Variants in METTL24 observed in about 807,000 individuals in gnomAD.
METTL24 encodes the protein methyltransferase like 24, also known as probable methyltransferase-like protein 24.
METTL24 carries 29 observed loss-of-function variants against 32.7 expected under a neutral mutation model. The observed-to-expected ratio is 0.89, with a 90% CI of 0.66 to 1.21. The LOEUF (loss-of-function observed/expected upper bound fraction) is 1.21, where lower values mean the gene tolerates loss of function less well. Ranked by LOEUF, METTL24 falls within the 50% of genes most tolerant of loss-of-function variation. The pLI, the probability that METTL24 is intolerant of heterozygous loss-of-function variation, is 0.00. For missense variants in METTL24, 439 were observed against 468.1 expected (o/e 0.94, Z 0.57); for synonymous variants, 163 against 179.5 (o/e 0.91, Z 0.73).
intron 4 of METTL24, among the ~76,000 whole-genome samples, chr6:110,256,524 G>T (rs914422159): frequency 3.3e-5 from 5 of 152,126 alleles, no homozygotes; most frequent in Admixed American, 1.3e-4. Context: ...TCCTTGTTGG[G>T]TATCAAGTTC....
intron 4 of METTL24, among the ~76,000 whole-genome samples, chr6:110,276,722 C>T (rs984954244): frequency 1.3e-5 from 2 of 152,110 alleles, no homozygotes; most frequent in Non-Finnish European, 2.9e-5. Flanking sequence ...GACACCTGGC[C>T]CTTCTGCAGG....
At chr6:110,318,666 AAAAG>A (rs1554215611) in intron 2 of METTL24, among the ~76,000 whole-genome samples, 5 of 151,292 alleles carry the variant, frequency 3.3e-5, no homozygotes, top group African/African-American at 4.8e-5. Flanking sequence ...AAAAAAAAAA[AAAAG>A]AAAGAAAGAA....
chr6:110,326,220 A>G (rs1048610264), intron 1 of METTL24, among the ~76,000 whole-genome samples: 13 of 152,354 alleles, frequency 8.5e-5, no homozygotes, highest in African/African-American at 2.9e-4. Context: ...CACTACACAG[A>G]GAGACCAAGA....
chr6:110,310,900 C>T (rs1192293746), intron 3 of METTL24, among the ~76,000 whole-genome samples: 2 of 152,172 alleles, frequency 1.3e-5, no homozygotes, highest in Non-Finnish European at 2.9e-5. Flanking sequence ...CAGGAATTTA[C>T]TCCCAGCTGC....
chr6:110,285,762 G>A (rs774543742), intron 4 of METTL24, among the ~76,000 whole-genome samples: 36 of 152,322 alleles, frequency 2.4e-4, no homozygotes, highest in South Asian at 1.2e-3. Flanking sequence ...AAAGGGAAAC[G>A]CAGGTAACTA....
chr6:110,348,738 C>A (rs531432808), intron 1 of METTL24, among the ~76,000 whole-genome samples: 60 of 152,324 alleles, frequency 3.9e-4, no homozygotes, highest in Admixed American at 8.5e-4. Context: ...GACTTGGAGT[C>A]TGATTCATCT....
At chr6:110,355,942 C>A (rs1772688942) in intron 1 of METTL24, among the ~76,000 whole-genome samples, 1 of 152,166 alleles carries the variant, frequency 6.6e-6, no homozygotes, top group Admixed American at 6.5e-5. Flanking sequence ...GCATTCCAAA[C>A]CTGTCCTTTG....
intron 4 of METTL24, among the ~76,000 whole-genome samples, chr6:110,295,013 C>CTTTTTTTTTTTTTTTTT (rs1195740747): frequency 1.7e-4 from 13 of 78,140 alleles, no homozygotes; most frequent in East Asian, 7.9e-4. Context: ...TTCTTTCTTT[C>CTTTTTTTTTTTTTTTTT]TTTTTTTTTT....
intron 4 of METTL24, among the ~76,000 whole-genome samples, chr6:110,259,191 A>G (rs1447072969): frequency 6.6e-6 from 1 of 152,192 alleles, no homozygotes; most frequent in African/African-American, 2.4e-5. Flanking sequence ...GGGAAGCACA[A>G]GGGGTCAGGG....
intron 4 of METTL24, 141 bp downstream of exon 4, chr6:110,298,781 T>TA: frequency 1.4e-6 from 1 of 701,326 alleles, no homozygotes; most frequent in Non-Finnish European, 2.4e-6. Context: ...GTTGACTCTA[T>TA]AAATAATGTT....
Position 110,245,612 on chromosome 6 carries a change from A to T in METTL24, c.*334T>A, listed in dbSNP as rs1778140970. On this transcript the variant is annotated 3_prime_UTR_variant, in exon 5 of 5. Transcript: ENST00000338882. ...ATCTCACCAACCTAGTAAAAATAGGAAATTTATATAATTTCATTTCAATGT... is the reference window on the plus strand; with the variant it reads ...ATCTCACCAACCTAGTAAAAATAGGTAATTTATATAATTTCATTTCAATGT... Among the ~76,000 whole-genome samples the T allele has an allele frequency of 6.6e-6, 1 of 152,234 alleles. No homozygotes were observed. The highest frequency in any genetic ancestry group is 6.5e-5 in the Admixed American group (1 of 15,276).
At chr6:110,336,399 C>T (rs759912998) in intron 1 of METTL24, among the ~76,000 whole-genome samples, 9 of 152,288 alleles carry the variant, frequency 5.9e-5, no homozygotes, top group Admixed American at 2.0e-4. Flanking sequence ...GCATCATAAC[C>T]TAGCCTATCC....
intron 1 of METTL24, among the ~76,000 whole-genome samples, chr6:110,335,574 T>G (rs994932526): frequency 3.6e-3 from 508 of 141,014 alleles, no homozygotes; most frequent in African/African-American, 0.013. Context: ...TTGTTTTTTT[T>G]TTTTTTTTTT....
At chr6:110,295,781 A>AAAAG (rs1171995373) in intron 4 of METTL24, among the ~76,000 whole-genome samples, 6 of 111,550 alleles carry the variant, frequency 5.4e-5, no homozygotes, top group East Asian at 3.1e-4. Flanking sequence ...CCCGGGAAAG[A>AAAAG]AAAGAAAGAA....
intron 4 of METTL24, among the ~76,000 whole-genome samples, chr6:110,258,971 C>T (rs1778437435): frequency 6.6e-6 from 1 of 152,106 alleles, no homozygotes; most frequent in Non-Finnish European, 1.5e-5. Flanking sequence ...TCCCTCTTTT[C>T]CCCCAATATC....
rs946544478 is a variant in METTL24, at chr6:110,335,586, T to G, written c.319-12714A>C. ...TCATTGTTTTTTTTTTTTTTTTTTTTTTTTTTTTATGAAAAAAATGTTTAA... is the reference window on the plus strand; with the variant it reads ...TCATTGTTTTTTTTTTTTTTTTTTTGTTTTTTTTATGAAAAAAATGTTTAA... On this transcript the variant is annotated intron_variant, in intron 1 of 4. Coordinates refer to ENST00000338882, the MANE Select transcript of METTL24 (RefSeq NM_001123364.3). 6.0e-5 allele frequency among the ~76,000 whole-genome samples: 8 copies of G among 132,496 alleles called. No individual in the cohort carries two copies. The Admixed American group carries it at 6.2e-4, about 10-fold the overall frequency. The allele number at this position is 132,496 out of a possible 152,430, so 86.9% of individuals were successfully genotyped here.
chr6:110,299,179 A>G (rs1218529054), intron 3 of METTL24, 29 bp from the exon 4 acceptor site: 2 of 1,596,454 alleles, frequency 1.3e-6, no homozygotes, highest in Admixed American at 3.3e-5. Context: ...GAAATCAACA[A>G]CAAAAAATGC....
intron 1 of METTL24, among the ~76,000 whole-genome samples, chr6:110,326,024 C>G (rs1772010904): frequency 6.6e-6 from 1 of 152,214 alleles, no homozygotes; most frequent in Non-Finnish European, 1.5e-5. Flanking sequence ...GCCCTCCTGT[C>G]TCTCACTCCT....
intron 1 of METTL24, among the ~76,000 whole-genome samples, chr6:110,355,533 T>C (rs1055955375): frequency 8.5e-5 from 13 of 152,206 alleles, no homozygotes; most frequent in African/African-American, 2.4e-4. Context: ...TTCTCTTTGT[T>C]AGCCACACTC....
Sources: allele counts gnomAD v4.1 joint callset (sites outside exome capture counted in the v4.1 genomes callset), GRCh38; gene constraint gnomAD v4.1.1; transcripts MANE v1.5; gene names NCBI Gene and HGNC (gene_info 2026-07-23, HGNC 2026-07-21).